Variants in CFAP61 observed in about 807,000 individuals in gnomAD.
CFAP61 encodes cilia- and flagella-associated protein 61.
In CFAP61, 107 loss-of-function variants were observed where a neutral mutation model predicts 135.6. The ratio of observed to expected loss-of-function variants is 0.79; its 90% CI spans 0.67 to 0.93. The LOEUF is 0.93. Among genes scored for constraint, CFAP61 ranks in the 40% least tolerant of loss-of-function variants. The pLI is 0.00. For synonymous variants in CFAP61, 575 were observed against 578.5 expected (o/e 0.99, Z 0.09); for missense variants, 1,507 against 1,556.2 (o/e 0.97, Z 0.53).
chr20:20,244,656 A>AT (rs1190432050), intron 18 of CFAP61, among the ~76,000 whole-genome samples: 6 of 152,116 alleles, frequency 3.9e-5, no homozygotes, highest in Non-Finnish European at 5.9e-5. Context: ...CCCTGGAGAC[A>AT]TTTTTTCCAT....
At chr20:20,121,964 T>C (rs1355219875) in intron 8 of CFAP61, among the ~76,000 whole-genome samples, 1 of 152,088 alleles carries the variant, frequency 6.6e-6, no homozygotes, top group African/African-American at 2.4e-5. Context: ...TAAAAATTTT[T>C]CCGTAAGTTA....
intron 8 of CFAP61, among the ~76,000 whole-genome samples, chr20:20,120,112 C>T (rs77962712): frequency 1.8e-4 from 27 of 152,232 alleles, no homozygotes; most frequent in African/African-American, 6.5e-4. Flanking sequence ...AATTTATATT[C>T]CTTTGGTTAA....
intron 20 of CFAP61, chr20:20,253,701 A>T (rs1220919861): frequency 2.7e-6 from 1 of 369,168 alleles, no homozygotes; most frequent in Non-Finnish European, 5.3e-6. Flanking sequence ...CTGTCAAGTG[A>T]CATCTTTCAG....
intron 8 of CFAP61, among the ~76,000 whole-genome samples, chr20:20,115,605 C>T (rs2146679539): frequency 6.6e-6 from 1 of 152,220 alleles, no homozygotes; most frequent in African/African-American, 2.4e-5. Context: ...CACTGTTCTT[C>T]CTGGTCTCTG....
intron 8 of CFAP61, among the ~76,000 whole-genome samples, chr20:20,101,594 G>GT (rs1485733197): frequency 6.6e-6 from 1 of 150,818 alleles, no homozygotes; most frequent in African/African-American, 2.4e-5. Context: ...TACATGATGA[G>GT]TTTTTTCACT....
rs375447292 is a variant in CFAP61 at position 20,252,367 on chromosome 20, T to C, written c.2328+604T>C. ...GATTTTAATATTCCACTTTGTAATA[T>C]GCATGAGTGTTTCATGTAGTTTACA... On this transcript the variant is annotated intron_variant, in intron 20 of 26. Coordinates refer to ENST00000245957, the MANE Select transcript of CFAP61 (RefSeq NM_015585.4). Among the ~76,000 whole-genome samples, 47 of 152,328 alleles carry C rather than the reference T, an allele frequency of 3.1e-4. No homozygotes were observed. In the South Asian group the frequency reaches 9.3e-3, roughly 30 times the overall value.
At chr20:20,341,356 G>A (rs533151010) in intron 25 of CFAP61, among the ~76,000 whole-genome samples, 18 of 152,270 alleles carry the variant, frequency 1.2e-4, no homozygotes, top group East Asian at 1.2e-3. Flanking sequence ...TCAATTAAGC[G>A]TCGATGCAAC....
At chr20:20,063,874 A>G (rs947692333) in intron 2 of CFAP61, among the ~76,000 whole-genome samples, 4 of 152,206 alleles carry the variant, frequency 2.6e-5, no homozygotes, top group African/African-American at 9.6e-5. Flanking sequence ...AACCCATTGC[A>G]TTTTTATATA....
At chr20:20,242,245 G>A (rs2050067027) in intron 18 of CFAP61, among the ~76,000 whole-genome samples, 1 of 152,120 alleles carries the variant, frequency 6.6e-6, no homozygotes, top group Non-Finnish European at 1.5e-5. Context: ...TTTGGCATTT[G>A]GTTGATTGAA....
chr20:20,280,486 A>AC (rs1286519908), intron 22 of CFAP61, among the ~76,000 whole-genome samples: 1 of 152,220 alleles, frequency 6.6e-6, no homozygotes, highest in African/African-American at 2.4e-5. Context: ...CAGTGTATGT[A>AC]CCTACTAAAA....
intron 2 of CFAP61, among the ~76,000 whole-genome samples, chr20:20,069,039 G>A (rs1600413006): frequency 6.6e-6 from 1 of 152,180 alleles, no homozygotes. Flanking sequence ...CACCGCGCCC[G>A]GCCTTTACCT....
chr20:20,289,883 G>A (rs2054876236), intron 23 of CFAP61, among the ~76,000 whole-genome samples: 1 of 152,238 alleles, frequency 6.6e-6, no homozygotes, highest in Admixed American at 6.5e-5. Flanking sequence ...AAAGAACTTT[G>A]TTGATAGTCC....
intron 25 of CFAP61, chr20:20,322,889 C>T: frequency 3.0e-6 from 3 of 985,376 alleles, no homozygotes; most frequent in Non-Finnish European, 2.4e-6. Context: ...AAAATCTGTT[C>T]TTCCTTGTGA....
chr20:20,293,413 A>AT (rs374488801), intron 24 of CFAP61, among the ~76,000 whole-genome samples: 2 of 151,988 alleles, frequency 1.3e-5, no homozygotes, highest in African/African-American at 2.4e-5. Flanking sequence ...ATCTAAACAG[A>AT]TTTTTTTTCC....
chr20:20,224,201 G>A (rs1413163212), intron 17 of CFAP61, among the ~76,000 whole-genome samples: 2 of 152,136 alleles, frequency 1.3e-5, no homozygotes, highest in African/African-American at 4.8e-5. Flanking sequence ...TAGTGACTCA[G>A]CTACTCACAT....
At chr20:20,171,798 G>T in intron 13 of CFAP61, 1 of 709,692 alleles carries the variant, frequency 1.4e-6, no homozygotes, top group Admixed American at 2.1e-5. Context: ...TGTCTGGGAA[G>T]GAGTTCATAG....
chr20:20,113,483 A>G (rs1269683501), intron 8 of CFAP61, among the ~76,000 whole-genome samples: 1 of 152,166 alleles, frequency 6.6e-6, no homozygotes, highest in East Asian at 1.9e-4. Context: ...CCCACACTGT[A>G]CCACAATAAA....
At chr20:20,230,673 A>G (rs1302842716) in intron 18 of CFAP61, among the ~76,000 whole-genome samples, 2 of 152,138 alleles carry the variant, frequency 1.3e-5, no homozygotes, top group African/African-American at 4.8e-5. Context: ...CTCTTGCCTC[A>G]GCCTCCCAAG....
intron 9 of CFAP61, among the ~76,000 whole-genome samples, chr20:20,153,940 A>T (rs1037320018): frequency 3.3e-5 from 5 of 152,130 alleles, no homozygotes; most frequent in African/African-American, 1.2e-4. Context: ...ATCCTGATGA[A>T]CATAGTTGCA....
Sources: gnomAD v4.1 joint callset for allele counts (sites outside exome capture counted in the v4.1 genomes callset) on GRCh38, gnomAD v4.1.1 for gene constraint, MANE v1.5 for transcripts, NCBI Gene and HGNC (gene_info 2026-07-23, HGNC 2026-07-21) for gene names.